Variants in POM121 observed in about 807,000 individuals in gnomAD.
POM121 encodes the protein POM121 transmembrane nucleoporin, also known as nuclear envelope pore membrane protein POM 121.
Under a neutral mutation model 81.3 loss-of-function variants are expected in POM121, and 32 were observed. The ratio of observed to expected loss-of-function variants is 0.39; its 90% CI spans 0.30 to 0.53. POM121 has a LOEUF of 0.53. POM121 is among the 20% of genes least tolerant of loss of function. The pLI, the probability that POM121 is intolerant of heterozygous loss-of-function variation, is 0.66. For missense variants in POM121, 1,138 were observed against 1,614.6 expected (o/e 0.70, Z 5.06); for synonymous variants, 514 against 694.2 (o/e 0.74, Z 4.08).
At chr7:72,916,652 C>T (rs1226465937) in intron 4 of POM121, among the ~76,000 whole-genome samples, 2 of 152,126 alleles carry the variant, frequency 1.3e-5, no homozygotes, top group Non-Finnish European at 2.9e-5. Context: ...TATACAGGCT[C>T]GTTTTTGGTT....
chr7:72,948,558 T>C (rs1797864650), downstream of POM121: 1 of 1,613,364 alleles, frequency 6.2e-7, no homozygotes, highest in Admixed American at 1.7e-5. Flanking sequence ...CTGGGCTGGG[T>C]GTGCGTTCTG....
chr7:72,942,866 C>A lies in POM121; in HGVS notation c.2873C>A (p.Ser958Tyr), dbSNP rs782295443. The change falls in exon 11 of 13, where the codon TCC becomes TAC. Residue 958 changes from serine (S) to tyrosine (Y), a missense_variant. Ser to Tyr is a moderately radical substitution (Grantham distance 144, BLOSUM62 -2). This residue lies in a region of POM121 where 45 missense variants were observed against 75.7 expected (regional missense o/e 0.59). Coordinates refer to ENST00000434423, the MANE Select transcript of POM121 (RefSeq NM_001387691.1). ...FNIPFGSSAK[S>Y]PLPSYPGANP... ...ATTCCCTTTGGCTCAAGCGCCAAGTCCCCGCTCCCATCATATCCGGGAGCC... is the reference window on the plus strand; with the variant it reads ...ATTCCCTTTGGCTCAAGCGCCAAGTACCCGCTCCCATCATATCCGGGAGCC... 1.9e-6 allele frequency: 3 copies of A among 1,589,120 alleles called. No homozygotes were observed. The highest frequency in any genetic ancestry group is 2.6e-6 in the Non-Finnish European group (3 of 1,169,224).
rs1201985545 is a variant in POM121 at position 72,947,196 on chromosome 7, C to T, written c.*962C>T. ...TGCCGGACTTCCTGTTTCAAGTTTT[C>T]TGGGGCCTCGCTAATTGAATGTGGA... On this transcript the variant is annotated 3_prime_UTR_variant, in exon 13 of 13. Coordinates refer to ENST00000434423, the MANE Select transcript of POM121 (RefSeq NM_001387691.1). 7 of 225,532 alleles carry T rather than the reference C, an allele frequency of 3.1e-5. No individual in the cohort carries two copies. In the East Asian group the frequency reaches 6.4e-4, roughly 21 times the overall value. The allele number at this position is 225,532 out of a possible 1,614,324, so 14.0% of individuals were successfully genotyped here. A position where few individuals can be genotyped will look rare whatever the true frequency, so the allele number is the denominator to read the frequency against.
At chr7:72,900,940 G>T (rs1792563791) in intron 3 of POM121, among the ~76,000 whole-genome samples, 4 of 150,662 alleles carry the variant, frequency 2.7e-5, no homozygotes, top group Admixed American at 6.6e-5. Flanking sequence ...AGCATTTAGG[G>T]CTATGAATTT....
chr7:72,883,242 G>A (rs1168304036), intron 1 of POM121, among the ~76,000 whole-genome samples: 4 of 152,128 alleles, frequency 2.6e-5, no homozygotes, highest in Admixed American at 6.5e-5. Flanking sequence ...GGCTTTCACC[G>A]TGTCATGCAT....
At chr7:72,923,311 T>C (rs1316698107), upstream of POM121, among the ~76,000 whole-genome samples, 1 of 152,184 alleles carries the variant, frequency 6.6e-6, no homozygotes, top group Admixed American at 6.5e-5. Context: ...TCTCCAGCGA[T>C]ACTGAACAAT....
chr7:72,912,755 G>A (rs190416351), intron 3 of POM121, among the ~76,000 whole-genome samples: 26 of 152,264 alleles, frequency 1.7e-4, no homozygotes, highest in African/African-American at 6.0e-4. Flanking sequence ...CTCCAGCCTG[G>A]CAACAGAGCA....
chr7:72,906,675 T>C (rs1200300637), intron 3 of POM121, among the ~76,000 whole-genome samples: 8 of 152,156 alleles, frequency 5.3e-5, no homozygotes, highest in Admixed American at 5.2e-4. Flanking sequence ...TTGGCTGGAG[T>C]GCAGTGGTGC....
intron 3 of POM121, among the ~76,000 whole-genome samples, chr7:72,910,142 AAC>A (rs1396171873): frequency 1.3e-5 from 2 of 152,216 alleles, no homozygotes; most frequent in African/African-American, 4.8e-5. Context: ...ATTTTGCATA[AAC>A]ACACTTTTGA....
At chr7:72,883,092 T>C (rs1359735805) in intron 1 of POM121, among the ~76,000 whole-genome samples, 1 of 152,236 alleles carries the variant, frequency 6.6e-6, no homozygotes, top group East Asian at 1.9e-4. Flanking sequence ...CAGGCTGGAA[T>C]GTAGAGACGT....
chr7:72,945,518 T>C (rs1554502929), intron 11 of POM121, 68 bp from the exon 12 acceptor site: 4 of 1,594,646 alleles, frequency 2.5e-6, no homozygotes, highest in Middle Eastern at 2.1e-4. Flanking sequence ...GAGCACAGGC[T>C]CCTGCCCGGC....
At chr7:72,927,729 G>A (rs185431880) in intron 3 of POM121, among the ~76,000 whole-genome samples, 1 of 151,998 alleles carries the variant, frequency 6.6e-6, no homozygotes, top group East Asian at 1.9e-4. Flanking sequence ...TCCTTATGTG[G>A]TTTATAGAAT....
At chr7:72,925,002 C>T, upstream of POM121, 1 of 1,327,180 alleles carries the variant, frequency 7.5e-7, no homozygotes, top group Non-Finnish European at 9.6e-7. Context: ...GTCTCGGGCG[C>T]TGCCGGGCGG....
At chr7:72,896,821 A>G (rs1188276531) in intron 3 of POM121, among the ~76,000 whole-genome samples, 1 of 152,278 alleles carries the variant, frequency 6.6e-6, no homozygotes, top group Non-Finnish European at 1.5e-5. Context: ...TGTACTGATC[A>G]TTAACTATTT....
chr7:72,895,502 A>G (rs551714281), intron 3 of POM121, among the ~76,000 whole-genome samples: 1 of 152,252 alleles, frequency 6.6e-6, no homozygotes, highest in South Asian at 2.1e-4. Context: ...CTCCTTCTGT[A>G]CTTTAAGTAT....
Position 72,942,634 on chromosome 7 carries a change from A to G in POM121, c.2641A>G (p.Ile881Val). The G allele has an allele frequency of 1.3e-6, 1 of 788,732 alleles. No individual in the cohort carries two copies. The highest frequency in any genetic ancestry group is 1.9e-6 in the Non-Finnish European group (1 of 528,162). The allele number at this position is 788,732 out of a possible 1,614,324, so 48.9% of individuals were successfully genotyped here. A position where few individuals can be genotyped will look rare whatever the true frequency, so the allele number is the denominator to read the frequency against. The change falls in exon 11 of 13, where the codon ATA (isoleucine) becomes GTA (valine). Residue 881 changes from isoleucine (I) to valine (V), a missense_variant. Around this residue, in one of 7 missense-constraint regions of POM121, gnomAD observed 25 missense variants for 229.8 expected, o/e 0.11. Coordinates refer to ENST00000434423, the MANE Select transcript of POM121 (RefSeq NM_001387691.1). ...AASFTPAMGSIFQFGKPPALP... is the reference protein window; with the variant it reads ...AASFTPAMGSVFQFGKPPALP... ...CAGCTTCACCCCGGCCATGGGCTCC[A>G]TATTCCAGTTTGGCAAACCTCCTGC...
intron 3 of POM121, among the ~76,000 whole-genome samples, chr7:72,902,109 GA>G (rs1236229399): frequency 1.7e-4 from 24 of 142,956 alleles, no homozygotes; most frequent in Middle Eastern, 3.5e-3. Context: ...TGAAACTCAT[GA>G]AAAAAAAAAC....
chr7:72,910,470 C>T (rs1793697878), intron 3 of POM121, among the ~76,000 whole-genome samples: 1 of 152,112 alleles, frequency 6.6e-6, no homozygotes, highest in Non-Finnish European at 1.5e-5. Context: ...TCTAGCTCCT[C>T]ACTGTCTTTG....
chr7:72,916,549 T>C (rs1794310326), intron 4 of POM121, among the ~76,000 whole-genome samples: 1 of 152,258 alleles, frequency 6.6e-6, no homozygotes, highest in Non-Finnish European at 1.5e-5. Flanking sequence ...ACCAGTACCA[T>C]GCTGTTTTGG....
Sources: gnomAD v4.1 joint callset for allele counts (sites outside exome capture counted in the v4.1 genomes callset) on GRCh38, gnomAD v4.1.1 for gene constraint, gnomAD v4.1.1 regional missense constraint, MANE v1.5 for transcripts, NCBI Gene and HGNC (gene_info 2026-07-23, HGNC 2026-07-21) for gene names.